Variants in PIK3CD observed in about 807,000 individuals in gnomAD.
The protein encoded by PIK3CD is phosphatidylinositol-4,5-bisphosphate 3-kinase catalytic subunit delta, also known as phosphatidylinositol 4,5-bisphosphate 3-kinase catalytic subunit delta isoform.
Under a neutral mutation model 122.9 loss-of-function variants are expected in PIK3CD, and 20 were observed. The ratio of observed to expected loss-of-function variants is 0.16; its 90% CI spans 0.11 to 0.24. The LOEUF is 0.24. Among genes scored for constraint, PIK3CD ranks in the 10% least tolerant of loss-of-function variants. The pLI, the probability that PIK3CD is intolerant of heterozygous loss-of-function variation, is 1.00. For synonymous variants in PIK3CD, 596 were observed against 593.4 expected (o/e 1.00, Z -0.06); for missense variants, 787 against 1,406.3 (o/e 0.56, Z 7.04).
chr1:9,634,146 GTTGTTTT>G, the PIK3CD span, among the ~76,000 whole-genome samples: 3 of 116,680 alleles, frequency 2.6e-5, no homozygotes, highest in Non-Finnish European at 4.9e-5. Context: ...TAATTTTTGG[GTTGTTTT>G]TTTTTTTTTT....
chr1:9,653,597 A>C, intron 1 of PIK3CD: 1 of 386,036 alleles, frequency 2.6e-6, no homozygotes, highest in South Asian at 2.0e-5. Context: ...ACTCCTCTGT[A>C]ACACCCGCTG....
intron 1 of PIK3CD, among the ~76,000 whole-genome samples, chr1:9,672,078 T>C (rs1645346907): frequency 6.6e-6 from 1 of 152,160 alleles, no homozygotes; most frequent in Admixed American, 6.5e-5. Flanking sequence ...TGATGGGCTG[T>C]GTTTCTCCAA....
the PIK3CD span, among the ~76,000 whole-genome samples, chr1:9,630,036 TCA>T: frequency 2.0e-5 from 3 of 152,178 alleles, no homozygotes; most frequent in Non-Finnish European, 4.4e-5. Context: ...ACTCTCCAGC[TCA>T]GAGTAGCTGA....
chr1:9,678,565 A>C (rs1186232437), intron 1 of PIK3CD, among the ~76,000 whole-genome samples: 1 of 152,196 alleles, frequency 6.6e-6, no homozygotes, highest in Non-Finnish European at 1.5e-5. Flanking sequence ...GCAGAAAAGC[A>C]TGGACTCTCT....
intron 1 of PIK3CD, among the ~76,000 whole-genome samples, chr1:9,671,432 TG>T (rs1645323997): frequency 6.6e-6 from 1 of 151,954 alleles, no homozygotes; most frequent in Non-Finnish European, 1.5e-5. Flanking sequence ...TGAGCACAAA[TG>T]ATCCTCCCAC....
Position 9,718,804 on chromosome 1 carries a change from C to G in PIK3CD, c.1131C>G (p.Phe377Leu). 1 of 1,611,984 alleles carries G rather than the reference C, an allele frequency of 6.2e-7. No homozygotes were observed. Among genetic ancestry groups the G allele is most frequent in the Non-Finnish European group, 8.5e-7 (1 of 1,179,958 alleles). The change falls in exon 9 of 24, where the codon TTC becomes TTG. Residue 377 changes from phenylalanine to leucine, a missense_variant. Transcript: ENST00000377346. The surrounding 1 kb of genome is among the most constrained non-coding windows in gnomAD (Gnocchi z 7.2). ...CCGTGTGGAAGCAGCGGCTGGAGTTCGACATCAACATCTGCGACCTGCCCC... is the reference window on the plus strand; with the variant it reads ...CCGTGTGGAAGCAGCGGCTGGAGTTGGACATCAACATCTGCGACCTGCCCC... Reference protein sequence around the residue: ...SEPVWKQRLEFDINICDLPRM... With the variant: ...SEPVWKQRLELDINICDLPRM...
At chr1:9,699,401 T>C (rs551110914) in intron 2 of PIK3CD, among the ~76,000 whole-genome samples, 1 of 152,206 alleles carries the variant, frequency 6.6e-6, no homozygotes, top group East Asian at 1.9e-4. Flanking sequence ...GCCAAAGCCA[T>C]CTTTATAAAG....
rs148918394 is a variant in PIK3CD at position 9,668,482 on chromosome 1, T to C, written c.-138+16680T>C. 3.0e-3 allele frequency among the ~76,000 whole-genome samples: 449 copies of C among 152,096 alleles called. 2 individuals are homozygous for C. Among genetic ancestry groups the C allele is most frequent in the African/African-American group, 0.011 (437 of 41,490 alleles). ...GTTTGGCAAATACTTTATTTTTATT[T>C]TTATTTCAGTAGTTTTTGGGGTACA... On this transcript the variant is annotated intron_variant, in intron 1 of 23. Transcript: ENST00000377346.
intron 1 of PIK3CD, among the ~76,000 whole-genome samples, chr1:9,679,002 T>A (rs2101107003): frequency 6.6e-6 from 1 of 151,172 alleles, no homozygotes; most frequent in Non-Finnish European, 1.5e-5. Context: ...CTTAGGCACA[T>A]GGGGAAGCAT....
chr1:9,678,098 C>T (rs79505293), intron 1 of PIK3CD, among the ~76,000 whole-genome samples: 1,970 of 150,032 alleles, frequency 0.013, 45 homozygotes, highest in African/African-American at 0.046. Flanking sequence ...GAGCCAAGAT[C>T]GCGCCATTGC....
chr1:9,684,681 C>T (rs1645897758), intron 1 of PIK3CD, among the ~76,000 whole-genome samples: 1 of 151,584 alleles, frequency 6.6e-6, no homozygotes, highest in African/African-American at 2.4e-5. Flanking sequence ...ATAGCAAGAC[C>T]TCAAGACCTC....
the PIK3CD span, among the ~76,000 whole-genome samples, chr1:9,642,198 C>T: frequency 6.6e-5 from 10 of 151,956 alleles, no homozygotes; most frequent in Non-Finnish European, 1.3e-4. Context: ...CTGCAACCTC[C>T]ACATCCCGGG....
chr1:9,721,912 G>A (rs772257522), intron 16 of PIK3CD, 52 bp downstream of exon 16: 3 of 1,612,220 alleles, frequency 1.9e-6, no homozygotes, highest in Non-Finnish European at 2.5e-6. Context: ...GAGCGTCTGG[G>A]AATCCCCAGG....
At position 9,721,860 on chromosome 1, in the gene PIK3CD, G is replaced by A; in HGVS notation, c.2055G>A (p.Gln685=). The A allele has an allele frequency of 6.2e-7, 1 of 1,613,092 alleles. No homozygotes were observed. The highest frequency in any genetic ancestry group is 1.3e-5 in the African/African-American group (1 of 75,066). ...STHHMKVLMK[Q]GEALSKLKAL... is the part of the protein sequence containing the mutation. ...ACCACATGAAGGTGCTGATGAAGCA[G>A]GTGAGGCCCAAGGCCCTGGGGGGCG... Residue 685 remains glutamine, a splice_region_variant and synonymous_variant, in exon 16 of 24, where the codon CAG becomes CAA. Coordinates refer to ENST00000377346, the MANE Select transcript of PIK3CD (RefSeq NM_005026.5).
chr1:9,696,309 A>T (rs114013438), intron 2 of PIK3CD, among the ~76,000 whole-genome samples: 1 of 152,060 alleles, frequency 6.6e-6, no homozygotes, highest in Non-Finnish European at 1.5e-5. Flanking sequence ...TTAAAATTTG[A>T]CAGTGGGGTG....
rs981966700 is a variant in PIK3CD, at chr1:9,704,772, C to G, written c.-32-5652C>G. Among the ~76,000 whole-genome samples, 2 of 152,250 alleles carry G rather than the reference C, an allele frequency of 1.3e-5. No individual in the cohort carries two copies. Among genetic ancestry groups the G allele is most frequent in the Admixed American group, 6.5e-5 (1 of 15,288 alleles). ...AAAGTGATCCACTGGCCTCAGCCTCCCAAAGTGCTGGGATTACAGGCGTGA... is the reference window on the plus strand; with the variant it reads ...AAAGTGATCCACTGGCCTCAGCCTCGCAAAGTGCTGGGATTACAGGCGTGA... On this transcript the variant is annotated intron_variant, in intron 2 of 23. Coordinates refer to ENST00000377346, the MANE Select transcript of PIK3CD (RefSeq NM_005026.5). The surrounding 1 kb of genome is among the most constrained non-coding windows in gnomAD (Gnocchi z 5.0).
chr1:9,690,765 G>A (rs1646169641), intron 1 of PIK3CD, among the ~76,000 whole-genome samples: 1 of 152,156 alleles, frequency 6.6e-6, no homozygotes, highest in South Asian at 2.1e-4. Flanking sequence ...CGGTGGTTTT[G>A]GTGTTGTGCT....
At chr1:9,686,012 G>A (rs1236790623) in intron 1 of PIK3CD, among the ~76,000 whole-genome samples, 2 of 152,210 alleles carry the variant, frequency 1.3e-5, no homozygotes, top group Non-Finnish European at 2.9e-5. Flanking sequence ...ATATTGGTGA[G>A]CATTTGGGAG....
intron 2 of PIK3CD, among the ~76,000 whole-genome samples, chr1:9,708,143 G>A (rs1207211723): frequency 6.6e-6 from 1 of 151,962 alleles, no homozygotes; most frequent in African/African-American, 2.4e-5. Flanking sequence ...AAAGCAGGTC[G>A]CAGAAGACTC....
Sources: gnomAD v4.1 joint callset for allele counts (sites outside exome capture counted in the v4.1 genomes callset) on GRCh38, gnomAD v4.1.1 for gene constraint, Gnocchi (gnomAD v3.1) non-coding constraint, MANE v1.5 for transcripts, NCBI Gene and HGNC (gene_info 2026-07-23, HGNC 2026-07-21) for gene names.